RNF213: variants seen among roughly 807,000 people sequenced by gnomAD.
The protein encoded by RNF213 is ring finger protein 213, also known as E3 ubiquitin-protein ligase RNF213.
In RNF213, 341 loss-of-function variants were observed where a neutral mutation model predicts 514.4. The observed-to-expected ratio is 0.66, with a 90% CI of 0.61 to 0.73. RNF213 has a LOEUF of 0.73. RNF213 is among the 30% of genes least tolerant of loss of function. The pLI is 0.00. For missense variants in RNF213, 5,767 were observed against 6,615.6 expected, an observed-to-expected ratio of 0.87 and a Z score of 4.45; for synonymous variants, 2,655 against 2,658.2, an observed-to-expected ratio of 1.00 and a Z score of 0.04.
At chr17:80,303,466 G>A (rs1215492040) in intron 11 of RNF213, among the ~76,000 whole-genome samples, 2 of 152,086 alleles carry the variant, frequency 1.3e-5, no homozygotes, top group Non-Finnish European at 2.9e-5. Flanking sequence ...CTGTGCCCCT[G>A]GATCCCAACT....
rs747662744 is a variant in RNF213, at chr17:80,372,620, C to CG, written c.12641dup (p.Arg4215ProfsTer10). On this transcript the variant is annotated frameshift_variant, in exon 48 of 68. Coordinates refer to ENST00000582970, the MANE Select transcript of RNF213 (RefSeq NM_001256071.3). LOFTEE classifies it high-confidence loss of function. ...CCTTAAGGCATATTCTCCAGCAAGC[C>CG]GGGGCCGAGAGCCTGCCAACGAGGC... 1.2e-6 allele frequency: 2 copies of CG among 1,613,932 alleles called. No homozygotes were observed.
chr17:80,344,592 A>G (rs2078251154), intron 28 of RNF213, 86 bp from the exon 29 acceptor site: 3 of 1,441,254 alleles, frequency 2.1e-6, no homozygotes, highest in Middle Eastern at 1.8e-4. Flanking sequence ...GGTCCATCCA[A>G]TATAGATAAC....
intron 13 of RNF213, among the ~76,000 whole-genome samples, chr17:80,307,695 G>T (rs1468118398): frequency 1.3e-5 from 2 of 151,924 alleles, no homozygotes; most frequent in African/African-American, 2.4e-5. Flanking sequence ...GATTACAGGC[G>T]CATGCCACCA....
intron 6 of RNF213, 106 bp downstream of exon 6, chr17:80,289,943 C>A (rs752138252): frequency 1.6e-6 from 2 of 1,286,066 alleles, no homozygotes; most frequent in Non-Finnish European, 2.2e-6. Context: ...TTCTAGTCAG[C>A]TGTTTTGGCA....
chr17:80,337,506 C>T (rs1479327103), intron 23 of RNF213, 80 bp from the exon 24 acceptor site: 17 of 1,496,916 alleles, frequency 1.1e-5, no homozygotes, highest in South Asian at 2.5e-5. Flanking sequence ...GAGGCAGAGG[C>T]GGGAGGCCGA....
At chr17:80,393,323 G>T in intron 67 of RNF213, 22 bp from the exon 68 acceptor site, 1 of 1,612,150 alleles carries the variant, frequency 6.2e-7, no homozygotes, top group Non-Finnish European at 8.5e-7. Flanking sequence ...TGTTTTAAAT[G>T]CTCTCTTCTT....
chr17:80,356,769 C>T (rs952675108), intron 36 of RNF213, among the ~76,000 whole-genome samples: 3 of 152,220 alleles, frequency 2.0e-5, no homozygotes, highest in African/African-American at 7.2e-5. Flanking sequence ...CTGTTTTCTC[C>T]CTCTGTGCAC....
rs746145556 is a variant in RNF213 at position 80,347,678 on chromosome 17, G to T, written c.9343G>T (p.Ala3115Ser). Residue 3115 changes from alanine to serine, a missense_variant, in exon 29 of 68, where the codon GCA becomes TCA. Ala to Ser is a moderately conservative substitution (Grantham distance 99). Coordinates refer to ENST00000582970, the MANE Select transcript of RNF213 (RefSeq NM_001256071.3). This position sits in a 1 kb window ranked among gnomAD's most constrained non-coding sequence, Gnocchi z 7.2. The stretch of plus-strand genomic sequence containing the variant: ...GAACCTCTACGAGAGCCTCTACGAC[G>T]CACTCAACCAGTACTACGTCCACCT... ...LQNLYESLYD[A>S]LNQYYVHLGG... 6.2e-7 allele frequency: 1 copy of T among 1,613,922 alleles called. No homozygotes were observed. Among genetic ancestry groups the T allele is most frequent in the South Asian group, 1.1e-5 (1 of 91,086 alleles).
chr17:80,317,128 GGGA>G lies in RNF213; in HGVS notation c.2812-58_2812-56del. ...TAATGCTCTGTCTTTCTCCTTTCAT[GGGA>G]GTGTGCCGTGGCATTTAGTCGTGAG... On this transcript the variant is annotated intron_variant, in intron 15 of 67. Coordinates refer to ENST00000582970, the MANE Select transcript of RNF213 (RefSeq NM_001256071.3). This position sits in a 1 kb window ranked among gnomAD's most constrained non-coding sequence, Gnocchi z 4.1. The G allele has an allele frequency of 6.5e-7, 1 of 1,538,804 alleles. No homozygotes were observed. Among genetic ancestry groups the G allele is most frequent in the South Asian group, 1.2e-5 (1 of 86,190 alleles).
chr17:80,322,157 C>CG (rs2046159681), intron 17 of RNF213, among the ~76,000 whole-genome samples: 1 of 111,954 alleles, frequency 8.9e-6, no homozygotes, highest in Admixed American at 1.0e-4. Context: ...CCCCCCACCC[C>CG]CCCTTTTTTT....
chr17:80,296,374 G>T (rs2044947298), intron 10 of RNF213, among the ~76,000 whole-genome samples: 1 of 152,162 alleles, frequency 6.6e-6, no homozygotes, highest in African/African-American at 2.4e-5. Flanking sequence ...CTCTGTGTGC[G>T]CGTGTTTAGG....
chr17:80,352,402 C>T, intron 32 of RNF213: 1 of 300,934 alleles, frequency 3.3e-6, no homozygotes, highest in Non-Finnish European at 6.2e-6. Flanking sequence ...ACTCCCGACT[C>T]CCGACAGACA....
rs894324662 is a variant in RNF213, at chr17:80,393,669, G to A, written c.*171G>A. On this transcript the variant is annotated 3_prime_UTR_variant, in exon 68 of 68. Coordinates refer to ENST00000582970, the MANE Select transcript of RNF213 (RefSeq NM_001256071.3). ...TACCTGAGCTGACAGCTTTTTGAAA[G>A]CCGAGCTGTTTCTGAACCATGTACA... 81 of 653,388 alleles carry A rather than the reference G, an allele frequency of 1.2e-4. No individual in the cohort carries two copies. Among genetic ancestry groups the A allele is most frequent in the Non-Finnish European group, 2.0e-4 (77 of 380,370 alleles). 40.5% of individuals were successfully genotyped at this position (653,388 alleles called of 1,614,324 possible). A position where few individuals can be genotyped will look rare whatever the true frequency, so the allele number is the denominator to read the frequency against.
Position 80,346,541 on chromosome 17 carries a change from G to T in RNF213, c.8206G>T (p.Val2736Leu). 1.9e-6 allele frequency: 3 copies of T among 1,613,392 alleles called. No individual in the cohort carries two copies. The highest frequency in any genetic ancestry group is 2.5e-6 in the Non-Finnish European group (3 of 1,180,040). ...TRAQDLFLDG[V>L]PLRKTIAKNL... ...GGCACAGGATCTTTTTCTGGACGGC[G>T]TACCTCTGAGGAAAACCATCGCCAA... is the stretch of plus-strand genomic sequence containing the variant. Residue 2736 changes from valine (V) to leucine (L), a missense_variant, in exon 29 of 68, where the codon GTA becomes TTA. Physicochemically the swap from Val to Leu is conservative, Grantham distance 32. Coordinates refer to ENST00000582970, the MANE Select transcript of RNF213 (RefSeq NM_001256071.3). This position sits in a 1 kb window ranked among gnomAD's most constrained non-coding sequence, Gnocchi z 8.1.
chr17:80,372,683 C>G lies in RNF213; in HGVS notation c.12700C>G (p.Leu4234Val), dbSNP rs2079563148. The G allele has an allele frequency of 6.2e-7, 1 of 1,613,990 alleles. No individual in the cohort carries two copies. The highest frequency in any genetic ancestry group is 8.5e-7 in the Non-Finnish European group (1 of 1,180,042). ...EYLQEVARIR[L>V]CLDRAADFLS... The stretch of plus-strand genomic sequence containing the variant: ...CCTGCAAGAGGTGGCCCGGATCCGC[C>G]TCTGCCTCGACAGAGCTGCAGATTT... Residue 4234 changes from leucine (L) to valine (V), a missense_variant, in exon 48 of 68, where the codon CTC (leucine) becomes GTC (valine). By Grantham distance (32) the Leu-to-Val change is conservative (BLOSUM62 1). This residue lies in a region of RNF213 where 1,245 missense variants were observed against 1,339.0 expected (regional missense o/e 0.93). Transcript: ENST00000582970.
intron 36 of RNF213, among the ~76,000 whole-genome samples, chr17:80,357,425 A>G (rs1269318590): frequency 6.6e-6 from 1 of 152,094 alleles, no homozygotes; most frequent in African/African-American, 2.4e-5. Context: ...CCACCTGTCT[A>G]TCAGACACTC....
chr17:80,312,953 C>A, intron 14 of RNF213, 59 bp from the exon 15 acceptor site: 1 of 1,601,438 alleles, frequency 6.2e-7, no homozygotes, highest in Non-Finnish European at 8.5e-7. Flanking sequence ...TGCAGCATCT[C>A]GCCGGGAACC....
At chr17:80,388,009 G>A (rs1051367293) in intron 63 of RNF213, among the ~76,000 whole-genome samples, 2 of 147,312 alleles carry the variant, frequency 1.4e-5, no homozygotes, top group African/African-American at 5.1e-5. Flanking sequence ...ACCCAGGCTG[G>A]ATTGCAGTGG....
At position 80,288,785 on chromosome 17, in the gene RNF213, G is replaced by A; in HGVS notation, c.933+30G>A. On this transcript the variant is annotated intron_variant, in intron 5 of 67. Coordinates refer to ENST00000582970, the MANE Select transcript of RNF213 (RefSeq NM_001256071.3). This position sits in a 1 kb window ranked among gnomAD's most constrained non-coding sequence, Gnocchi z 4.9. ...GTCTCCTTCCTGCCTGCCGGCTCCA[G>A]GAGGCCCTCTCCTGCCCACGGCTGC... 3 of 1,613,828 alleles carry A rather than the reference G, an allele frequency of 1.9e-6. No homozygotes were observed. The highest frequency in any genetic ancestry group is 1.7e-6 in the Non-Finnish European group (2 of 1,180,036).
Sources: gnomAD v4.1 joint callset for allele counts (sites outside exome capture counted in the v4.1 genomes callset) on GRCh38, gnomAD v4.1.1 for gene constraint, gnomAD v4.1.1 regional missense constraint, Gnocchi (gnomAD v3.1) non-coding constraint, MANE v1.5 for transcripts, NCBI Gene and HGNC (gene_info 2026-07-23, HGNC 2026-07-21) for gene names.